Variants in EYA1 observed in about 807,000 individuals in gnomAD.
The protein encoded by EYA1 is EYA transcriptional coactivator and phosphatase 1.
EYA1 carries 16 observed loss-of-function variants against 82.0 expected under a neutral mutation model. That is an observed-to-expected ratio of 0.20 (90% CI 0.13 to 0.30). The LOEUF is 0.30. Ranked by LOEUF, EYA1 falls within the 10% of genes least tolerant of loss-of-function variation. The pLI is 1.00. For synonymous variants in EYA1, 261 were observed against 264.4 expected (o/e 0.99, Z 0.12); for missense variants, 633 against 730.7 (o/e 0.87, Z 1.54).
chr8:71,327,659 G>T (rs989787460), intron 4 of EYA1, among the ~76,000 whole-genome samples: 1 of 151,842 alleles, frequency 6.6e-6, no homozygotes, highest in East Asian at 1.9e-4. Context: ...CTCTCCCCAC[G>T]CCAAGATCCC....
intron 2 of EYA1, among the ~76,000 whole-genome samples, chr8:71,391,979 A>G (rs1438586988): frequency 2.0e-5 from 3 of 152,218 alleles, no homozygotes; most frequent in Non-Finnish European, 2.9e-5. Context: ...GCTGAAAAAT[A>G]GAGTTTCTCT....
At chr8:71,387,306 A>G (rs1362468540) in intron 2 of EYA1, among the ~76,000 whole-genome samples, 1 of 152,226 alleles carries the variant, frequency 6.6e-6, no homozygotes, top group Non-Finnish European at 1.5e-5. Context: ...TAGAAACAAC[A>G]TGATGTCTTT....
intron 2 of EYA1, among the ~76,000 whole-genome samples, chr8:71,368,562 T>A (rs1827893753): frequency 6.6e-6 from 1 of 152,180 alleles, no homozygotes; most frequent in African/African-American, 2.4e-5. Context: ...AATCCCAGCC[T>A]TTTTAAAAGA....
chr8:71,482,705 A>G (rs186857694), intron 2 of EYA1, among the ~76,000 whole-genome samples: 152 of 152,346 alleles, frequency 1.0e-3, no homozygotes, highest in Admixed American at 2.0e-3. Context: ...AATGAAAAGA[A>G]TGAACTACTG....
At chr8:71,478,838 A>G (rs1809876803) in intron 2 of EYA1, among the ~76,000 whole-genome samples, 2 of 152,166 alleles carry the variant, frequency 1.3e-5, no homozygotes, top group African/African-American at 2.4e-5. Context: ...CATCAGATTG[A>G]TCAAAAACCT....
chr8:71,532,246 C>G (rs570758954), intron 2 of EYA1, among the ~76,000 whole-genome samples: 1 of 152,260 alleles, frequency 6.6e-6, no homozygotes, highest in East Asian at 1.9e-4. Flanking sequence ...TGTTTAAGGG[C>G]TTCCCTGCAC....
intron 2 of EYA1, among the ~76,000 whole-genome samples, chr8:71,490,417 T>A (rs143872547): frequency 6.5e-4 from 99 of 152,328 alleles, no homozygotes; most frequent in Non-Finnish European, 1.2e-3. Flanking sequence ...TTCTTTGTGT[T>A]AATGTTATCC....
chr8:71,378,193 C>G (rs1046773891), intron 2 of EYA1, among the ~76,000 whole-genome samples: 3 of 152,050 alleles, frequency 2.0e-5, no homozygotes, highest in Non-Finnish European at 4.4e-5. Context: ...ATCCATCCCC[C>G]CTCCCACCCC....
chr8:71,313,977 T>C (rs1382565262), intron 7 of EYA1, among the ~76,000 whole-genome samples: 1 of 152,220 alleles, frequency 6.6e-6, no homozygotes, highest in African/African-American at 2.4e-5. Flanking sequence ...AATCTCTGAA[T>C]AACTAGTCAT....
In EYA1 at chr8:71,368,773, C is replaced by A. The variant is rs756915016; in HGVS notation, c.34-12262G>T. Among the ~76,000 whole-genome samples the A allele has an allele frequency of 1.1e-4, 17 of 152,112 alleles. 1 individual carries two copies. In the South Asian group the frequency reaches 2.7e-3, roughly 24 times the overall value. The stretch of plus-strand genomic sequence containing the variant: ...TGTATTCATGATTAATTATTGAAGA[C>A]TATCAAACAGGAGGGACCACACCTT... On this transcript the variant is annotated intron_variant, in intron 2 of 18. Transcript: ENST00000643681.
chr8:71,393,491 T>C lies in EYA1; in HGVS notation c.34-36980A>G, dbSNP rs185545711. ...CCCCAGTGTGTGATGTTCCCCACCC[T>C]GTGTCCAAGTGTTCTCATTGTTCAA... is the stretch of plus-strand genomic sequence containing the variant. On this transcript the variant is annotated intron_variant, in intron 2 of 18. Coordinates refer to the EYA1 transcript ENST00000643681. 2.0e-3 allele frequency among the ~76,000 whole-genome samples: 302 copies of C among 152,258 alleles called. 1 individual carries two copies. The highest frequency in any genetic ancestry group is 6.8e-3 in the African/African-American group (281 of 41,554).
intron 5 of EYA1, 144 bp downstream of exon 5, chr8:71,322,055 T>C (rs1040945164): frequency 9.1e-7 from 1 of 1,098,846 alleles, no homozygotes; most frequent in African/African-American, 1.6e-5. Context: ...ATGCTCAAAA[T>C]AAATTTGTAT....
In EYA1 at chr8:71,197,738, C is replaced by G. The variant is rs554777444; in HGVS notation, c.*1602G>C. On this transcript the variant is annotated 3_prime_UTR_variant, in exon 18 of 18. Coordinates refer to ENST00000340726, the MANE Select transcript of EYA1 (RefSeq NM_000503.6). ...GAATGAAGTAGCTCTTCAACTACTT[C>G]GGGTCAAAGCTGGTGTTTTTCCCGC... is the stretch of plus-strand genomic sequence containing the variant. The G allele has an allele frequency of 6.6e-6, 1 of 152,574 alleles. No individual in the cohort carries two copies. Among genetic ancestry groups the G allele is most frequent in the Non-Finnish European group, 1.5e-5 (1 of 68,034 alleles). The allele number at this position is 152,574 out of a possible 1,614,324, so 9.5% of individuals were successfully genotyped here. A position where few individuals can be genotyped will look rare whatever the true frequency, so the allele number is the denominator to read the frequency against.
chr8:71,351,760 T>A (rs762001304), intron 3 of EYA1, among the ~76,000 whole-genome samples: 7 of 152,196 alleles, frequency 4.6e-5, no homozygotes, highest in Non-Finnish European at 1.0e-4. Context: ...ATTCTCTGCC[T>A]CTCCATTCCA....
At chr8:71,519,147 A>G (rs2129267333) in intron 2 of EYA1, among the ~76,000 whole-genome samples, 1 of 152,274 alleles carries the variant, frequency 6.6e-6, no homozygotes, top group South Asian at 2.1e-4. Flanking sequence ...ATCTCTTGAA[A>G]ATGGCTTTGA....
intron 2 of EYA1, among the ~76,000 whole-genome samples, chr8:71,464,476 G>A (rs1409557774): frequency 6.6e-6 from 1 of 152,208 alleles, no homozygotes; most frequent in Non-Finnish European, 1.5e-5. Context: ...ACTTACACAG[G>A]TAAAGGGCAC....
intron 2 of EYA1, among the ~76,000 whole-genome samples, chr8:71,402,157 A>G (rs1829992238): frequency 6.6e-6 from 1 of 152,140 alleles, no homozygotes; most frequent in South Asian, 2.1e-4. Flanking sequence ...AACCAGATGC[A>G]CCAAATGGGC....
At chr8:71,370,648 G>A (rs1242392238) in intron 2 of EYA1, among the ~76,000 whole-genome samples, 1 of 151,874 alleles carries the variant, frequency 6.6e-6, no homozygotes, top group African/African-American at 2.4e-5. Context: ...TAGAGGCAGG[G>A]TCTCACTCTG....
chr8:71,496,734 C>G (rs1000155430), intron 2 of EYA1, among the ~76,000 whole-genome samples: 2 of 152,164 alleles, frequency 1.3e-5, no homozygotes, highest in African/African-American at 4.8e-5. Context: ...CTTTTACCCT[C>G]TGTCTTTACA....
Sources: allele counts gnomAD v4.1 joint callset (sites outside exome capture counted in the v4.1 genomes callset), GRCh38; gene constraint gnomAD v4.1.1; transcripts MANE v1.5; gene names NCBI Gene and HGNC (gene_info 2026-07-23, HGNC 2026-07-21).